The following CSMD1 variants were observed in gnomAD, a reference collection of about 807,000 sequenced individuals.
CSMD1 encodes the protein CUB and sushi domain-containing protein 1.
In CSMD1, 213 loss-of-function variants were observed where a neutral mutation model predicts 417.5. The ratio of observed to expected loss-of-function variants is 0.51; its 90% CI spans 0.46 to 0.57. CSMD1 has a LOEUF of 0.57. CSMD1 is among the 20% of genes least tolerant of loss of function. CSMD1 has a pLI of 0.00. For missense variants in CSMD1, 6,923 were observed against 4,529.7 expected (o/e 1.53, Z -15.17); for synonymous variants, 2,862 against 1,736.8 (o/e 1.65, Z -16.11).
At chr8:4,941,835 AG>A (rs1483141761) in intron 1 of CSMD1, among the ~76,000 whole-genome samples, 1 of 152,124 alleles carries the variant, frequency 6.6e-6, no homozygotes, top group Non-Finnish European at 1.5e-5. Flanking sequence ...CTGAGCTCAA[AG>A]CAATCCTCCC....
At chr8:3,456,947 C>G (rs1039159193) in intron 12 of CSMD1, among the ~76,000 whole-genome samples, 1 of 152,014 alleles carries the variant, frequency 6.6e-6, no homozygotes, top group African/African-American at 2.4e-5. Context: ...CACTGTCTCA[C>G]CCTACACACC....
intron 23 of CSMD1, among the ~76,000 whole-genome samples, chr8:3,312,868 C>G (rs1009886950): frequency 6.6e-6 from 1 of 152,152 alleles, no homozygotes; most frequent in African/African-American, 2.4e-5. Flanking sequence ...TATCCACATT[C>G]GTTAGGATAC....
intron 5 of CSMD1, among the ~76,000 whole-genome samples, chr8:3,847,035 T>TA (rs1281939227): frequency 6.6e-6 from 1 of 152,060 alleles, no homozygotes; most frequent in Admixed American, 6.6e-5. Flanking sequence ...TGATGCCTCT[T>TA]AGCAATCTAG....
intron 1 of CSMD1, among the ~76,000 whole-genome samples, chr8:4,988,792 T>G (rs778778401): frequency 6.6e-5 from 10 of 152,240 alleles, no homozygotes; most frequent in Non-Finnish European, 1.3e-4. Flanking sequence ...GAGAACTGTT[T>G]CACACTCTGC....
At chr8:3,783,533 G>A (rs189940620) in intron 5 of CSMD1, among the ~76,000 whole-genome samples, 116 of 152,320 alleles carry the variant, frequency 7.6e-4, no homozygotes, top group East Asian at 5.6e-3. Context: ...TGAGGGTGCT[G>A]CCCCTAAGGT....
At chr8:4,135,009 T>A (rs1803331213) in intron 3 of CSMD1, among the ~76,000 whole-genome samples, 1 of 152,152 alleles carries the variant, frequency 6.6e-6, no homozygotes, top group South Asian at 2.1e-4. Context: ...CCTCTAGAAT[T>A]TTTATTGATT....
At chr8:4,839,340 G>A (rs148231427) in intron 1 of CSMD1, among the ~76,000 whole-genome samples, 34 of 152,238 alleles carry the variant, frequency 2.2e-4, no homozygotes, top group African/African-American at 7.7e-4. Context: ...TGCAATGAAT[G>A]CATACAACCA....
chr8:3,081,842 C>T (rs1814125086), intron 49 of CSMD1, among the ~76,000 whole-genome samples: 1 of 152,172 alleles, frequency 6.6e-6, no homozygotes, highest in African/African-American at 2.4e-5. Flanking sequence ...AATCCACTGC[C>T]TCATTACTGG....
chr8:3,001,288 A>C (rs1807385714), intron 52 of CSMD1, among the ~76,000 whole-genome samples: 1 of 152,016 alleles, frequency 6.6e-6, no homozygotes, highest in South Asian at 2.1e-4. Flanking sequence ...GAGCCACCAC[A>C]ACATTTTGTT....
intron 3 of CSMD1, among the ~76,000 whole-genome samples, chr8:4,252,171 TG>T (rs1012753204): frequency 3.3e-5 from 5 of 151,988 alleles, no homozygotes; most frequent in African/African-American, 4.8e-5. Flanking sequence ...TATAGAAAGC[TG>T]GGGTGGGGAG....
At chr8:3,620,028 G>C (rs532307023) in intron 7 of CSMD1, among the ~76,000 whole-genome samples, 1 of 152,212 alleles carries the variant, frequency 6.6e-6, no homozygotes, top group East Asian at 1.9e-4. Flanking sequence ...CTTGAACCTG[G>C]GAGGCAGATG....
intron 5 of CSMD1, among the ~76,000 whole-genome samples, chr8:3,857,508 A>G (rs1236599579): frequency 6.6e-6 from 1 of 152,194 alleles, no homozygotes; most frequent in Non-Finnish European, 1.5e-5. Flanking sequence ...AAGTCCAGAA[A>G]TAGTAGATGA....
At chr8:3,149,736 A>G (rs1368287588) in intron 40 of CSMD1, among the ~76,000 whole-genome samples, 3 of 152,160 alleles carry the variant, frequency 2.0e-5, no homozygotes, top group African/African-American at 7.2e-5. Flanking sequence ...TTCGCCTCCC[A>G]ATAGCCAGAA....
chr8:3,054,727 C>T lies in CSMD1; in HGVS notation c.7475-2080G>A, dbSNP rs145982207. Among the ~76,000 whole-genome samples the T allele has an allele frequency of 2.3e-3, 346 of 152,252 alleles. 3 individuals carry two copies. The highest frequency in any genetic ancestry group is 7.9e-3 in the African/African-American group (330 of 41,546). On this transcript the variant is annotated intron_variant, in intron 49 of 69. Transcript: ENST00000635120. ...TACGTGTGTGTACATGTGTGTAGTACATGTGTGTATGGCATACTACAATAA... is the reference window on the plus strand; with the variant it reads ...TACGTGTGTGTACATGTGTGTAGTATATGTGTGTATGGCATACTACAATAA...
intron 3 of CSMD1, among the ~76,000 whole-genome samples, chr8:4,199,490 T>C (rs1350327931): frequency 1.3e-5 from 2 of 152,162 alleles, no homozygotes. Flanking sequence ...CAAATAGGAA[T>C]ATGGTGTAAA....
intron 1 of CSMD1, among the ~76,000 whole-genome samples, chr8:4,901,844 C>T (rs1804891327): frequency 6.6e-6 from 1 of 150,964 alleles, no homozygotes; most frequent in Non-Finnish European, 1.5e-5. Flanking sequence ...GAGTGAGTAG[C>T]ATCATGATGA....
intron 9 of CSMD1, among the ~76,000 whole-genome samples, chr8:3,583,067 G>A (rs1800449552): frequency 6.6e-6 from 1 of 152,152 alleles, no homozygotes; most frequent in African/African-American, 2.4e-5. Context: ...ACTCCTGCCT[G>A]TGGACAGCAG....
intron 26 of CSMD1, among the ~76,000 whole-genome samples, chr8:3,265,694 A>T (rs1196648549): frequency 6.6e-6 from 1 of 152,180 alleles, no homozygotes; most frequent in East Asian, 1.9e-4. Flanking sequence ...TATAAGTGAG[A>T]ATCTGAAGAG....
chr8:4,580,340 T>C (rs1799353278), intron 2 of CSMD1, among the ~76,000 whole-genome samples: 1 of 152,162 alleles, frequency 6.6e-6, no homozygotes, highest in Non-Finnish European at 1.5e-5. Context: ...GAGCCCTGTA[T>C]CATATATCTT....
Sources: gnomAD v4.1 joint callset for allele counts (sites outside exome capture counted in the v4.1 genomes callset) on GRCh38, gnomAD v4.1.1 for gene constraint, MANE v1.5 for transcripts, NCBI Gene and HGNC (gene_info 2026-07-23, HGNC 2026-07-21) for gene names.